CSMD1: variants seen among roughly 807,000 people sequenced by gnomAD.
The protein encoded by CSMD1 is CUB and sushi domain-containing protein 1.
A neutral mutation model predicts 417.5 loss-of-function variants in CSMD1; 213 were observed. The observed-to-expected ratio is 0.51, with a 90% confidence interval of 0.46 to 0.57. The LOEUF is 0.57. Among genes scored for constraint, CSMD1 ranks in the 20% least tolerant of loss-of-function variants. CSMD1 has a pLI of 0.00. For missense variants in CSMD1, 6,923 were observed against 4,529.7 expected (o/e 1.53, Z -15.17); for synonymous variants, 2,862 against 1,736.8 (o/e 1.65, Z -16.11).
At chr8:3,790,079 C>T (rs1455869051) in intron 5 of CSMD1, among the ~76,000 whole-genome samples, 1 of 152,124 alleles carries the variant, frequency 6.6e-6, no homozygotes, top group Admixed American at 6.6e-5. Flanking sequence ...CAATGAAGGT[C>T]CATTATATGT....
At chr8:4,889,051 G>C (rs1412377499) in intron 1 of CSMD1, among the ~76,000 whole-genome samples, 1 of 152,110 alleles carries the variant, frequency 6.6e-6, no homozygotes, top group Admixed American at 6.5e-5. Flanking sequence ...CAGGCAAGAA[G>C]GATGAATATG....
At chr8:3,433,360 G>A (rs916536411) in intron 12 of CSMD1, among the ~76,000 whole-genome samples, 1 of 152,160 alleles carries the variant, frequency 6.6e-6, no homozygotes, top group African/African-American at 2.4e-5. Context: ...TATTTTCAAT[G>A]AGAATCCCTT....
At chr8:4,577,475 T>A (rs376975424) in intron 2 of CSMD1, among the ~76,000 whole-genome samples, 9 of 152,220 alleles carry the variant, frequency 5.9e-5, no homozygotes, top group Non-Finnish European at 8.8e-5. Context: ...CTCCCCTCCT[T>A]CCTCTTCCCT....
chr8:4,460,357 G>C (rs913990839), intron 2 of CSMD1, among the ~76,000 whole-genome samples: 10 of 152,176 alleles, frequency 6.6e-5, no homozygotes, highest in Admixed American at 1.3e-4. Context: ...GAAATTTAGA[G>C]TAGTAAATAA....
At chr8:4,563,831 T>C (rs1437500227) in intron 2 of CSMD1, among the ~76,000 whole-genome samples, 1 of 152,160 alleles carries the variant, frequency 6.6e-6, no homozygotes, top group Non-Finnish European at 1.5e-5. Flanking sequence ...TTCCTAAGTA[T>C]AAGAATATCT....
At chr8:3,630,031 C>T (rs1796700849) in intron 7 of CSMD1, among the ~76,000 whole-genome samples, 1 of 150,338 alleles carries the variant, frequency 6.7e-6, no homozygotes, top group Non-Finnish European at 1.5e-5. Flanking sequence ...AAAAAGAAAA[C>T]ATTTCAAATG....
chr8:4,801,983 T>C (rs753763092), intron 1 of CSMD1, among the ~76,000 whole-genome samples: 5 of 152,326 alleles, frequency 3.3e-5, no homozygotes, highest in Non-Finnish European at 7.4e-5. Flanking sequence ...GCATCCATCA[T>C]TGAAGCAAGG....
chr8:3,983,409 C>T (rs757227711), intron 5 of CSMD1, among the ~76,000 whole-genome samples: 6 of 152,074 alleles, frequency 3.9e-5, no homozygotes, highest in Non-Finnish European at 5.9e-5. Context: ...GGATTACAGG[C>T]GTGAGCCACC....
At chr8:4,643,889 G>A (rs1803355225) in intron 1 of CSMD1, among the ~76,000 whole-genome samples, 1 of 152,144 alleles carries the variant, frequency 6.6e-6, no homozygotes, top group Non-Finnish European at 1.5e-5. Context: ...GGAACACCAT[G>A]CCCTGTAGGA....
chr8:4,075,942 T>C (rs2554688), intron 3 of CSMD1, among the ~76,000 whole-genome samples: 20,223 of 152,150 alleles, frequency 0.13, 1,485 homozygotes, highest in Middle Eastern at 0.19. Flanking sequence ...AGAAAATAAA[T>C]CAGTACTCTT....
intron 11 of CSMD1, among the ~76,000 whole-genome samples, chr8:3,482,922 T>C (rs549943996): frequency 2.6e-5 from 4 of 151,976 alleles, no homozygotes; most frequent in Non-Finnish European, 5.9e-5. Flanking sequence ...AAGAAATACA[T>C]AGAATGAAGT....
chr8:3,605,257 T>C (rs1801555446), intron 8 of CSMD1, among the ~76,000 whole-genome samples: 1 of 152,202 alleles, frequency 6.6e-6, no homozygotes, highest in Non-Finnish European at 1.5e-5. Context: ...CCCACAGTGC[T>C]GGGTTTACAG....
intron 1 of CSMD1, among the ~76,000 whole-genome samples, chr8:4,798,196 T>A (rs111638295): frequency 6.6e-6 from 1 of 152,090 alleles, no homozygotes; most frequent in African/African-American, 2.4e-5. Context: ...CGGTGTGTGA[T>A]GTTCCCCTTC....
intron 33 of CSMD1, among the ~76,000 whole-genome samples, chr8:3,191,499 C>G (rs1273543133): frequency 6.6e-6 from 1 of 152,030 alleles, no homozygotes; most frequent in African/African-American, 2.4e-5. Flanking sequence ...CCAGTTCTCT[C>G]TTGATGAGAC....
At chr8:3,638,624 T>A (rs1241623749) in intron 7 of CSMD1, among the ~76,000 whole-genome samples, 2 of 152,098 alleles carry the variant, frequency 1.3e-5, no homozygotes, top group African/African-American at 4.8e-5. Context: ...TGCCCAGTCA[T>A]GTGGAGGAGC....
At chr8:4,978,796 G>A (rs1480363099) in intron 1 of CSMD1, among the ~76,000 whole-genome samples, 1 of 152,096 alleles carries the variant, frequency 6.6e-6, no homozygotes, top group African/African-American at 2.4e-5. Context: ...AAATTAGCTG[G>A]GCATGGTGGC....
chr8:3,644,537 G>A (rs1417072619), intron 7 of CSMD1, among the ~76,000 whole-genome samples: 1 of 152,176 alleles, frequency 6.6e-6, no homozygotes, highest in Middle Eastern at 3.2e-3. Context: ...GAAAGAGGGT[G>A]AGAAAGCTAA....
rs141754731 is a variant in CSMD1, at chr8:4,864,281, A to G, written c.85+130051T>C. On this transcript the variant is annotated intron_variant, in intron 1 of 69. Transcript: ENST00000635120. ...GAAATACATACCTACACACACAAAGACACACACACACAAATTTAGAACTAA... is the reference window on the plus strand; with the variant it reads ...GAAATACATACCTACACACACAAAGGCACACACACACAAATTTAGAACTAA... Among the ~76,000 whole-genome samples, 350 of 151,916 alleles carry G rather than the reference A, an allele frequency of 2.3e-3. 4 individuals carry two copies. The highest frequency in any genetic ancestry group is 7.8e-3 in the African/African-American group (324 of 41,428).
chr8:3,697,948 C>A (rs1014859768), intron 7 of CSMD1, among the ~76,000 whole-genome samples: 3 of 152,138 alleles, frequency 2.0e-5, no homozygotes, highest in Non-Finnish European at 4.4e-5. Flanking sequence ...TATGCTGAAA[C>A]CACTTGAAAA....
Sources: gnomAD v4.1 joint callset for allele counts (sites outside exome capture counted in the v4.1 genomes callset) on GRCh38, gnomAD v4.1.1 for gene constraint, MANE v1.5 for transcripts, NCBI Gene and HGNC (gene_info 2026-07-23, HGNC 2026-07-21) for gene names.